The following ADAMTS16 variants were observed in gnomAD, a reference collection of about 807,000 sequenced individuals.
ADAMTS16 encodes the protein A disintegrin and metalloproteinase with thrombospondin motifs 16.
ADAMTS16 carries 94 observed loss-of-function variants against 145.8 expected under a neutral mutation model. The ratio of observed to expected loss-of-function variants is 0.64; its 90% confidence interval spans 0.55 to 0.77. ADAMTS16 has a LOEUF of 0.77. Ranked by LOEUF, ADAMTS16 falls within the 30% of genes least tolerant of loss-of-function variation. The probability of loss-of-function intolerance (pLI) is 0.00; values close to 1 mark genes in which losing one functional copy is unlikely to be tolerated. For synonymous variants in ADAMTS16, 659 were observed against 604.3 expected (o/e 1.09, Z -1.33); for missense variants, 1,585 against 1,591.5 (o/e 1.00, Z 0.07).
chr5:5,208,243 G>T (rs1736182889), intron 9 of ADAMTS16, among the ~76,000 whole-genome samples: 2 of 152,176 alleles, frequency 1.3e-5, no homozygotes, highest in Non-Finnish European at 2.9e-5. Context: ...TCCAGTCAAG[G>T]TGGACAACCA....
At position 5,140,376 on chromosome 5, in the gene ADAMTS16, C is replaced by T. The variant is rs1734117985; in HGVS notation, c.-92C>T. 7.7e-7 allele frequency: 1 copy of T among 1,290,958 alleles called. No individual in the cohort carries two copies. The highest frequency in any genetic ancestry group is 1.0e-6 in the Non-Finnish European group (1 of 980,778). 80.0% of individuals were successfully genotyped at this position (1,290,958 alleles called of 1,614,324 possible). A position where few individuals can be genotyped will look rare whatever the true frequency, so the allele number is the denominator to read the frequency against. The stretch of plus-strand genomic sequence containing the variant: ...GCGGAGTCGCTGTGGGGAATCCTCC[C>T]GCGCTCTGCCTGGGTCGGGTCCTCC... On this transcript the variant is annotated 5_prime_UTR_variant, in exon 1 of 23. Transcript: ENST00000274181.
intron 3 of ADAMTS16, among the ~76,000 whole-genome samples, chr5:5,168,771 AT>A (rs1365216812): frequency 7.0e-6 from 1 of 141,970 alleles, no homozygotes; most frequent in East Asian, 2.0e-4. Context: ...ATTTTATTAT[AT>A]TTTATTATAG....
At chr5:5,255,129 A>G (rs1386523916) in intron 17 of ADAMTS16, among the ~76,000 whole-genome samples, 1 of 152,100 alleles carries the variant, frequency 6.6e-6, no homozygotes, top group Non-Finnish European at 1.5e-5. Flanking sequence ...TTAATTTTAT[A>G]TATTTGAAAA....
In ADAMTS16 at chr5:5,279,331, G is replaced by A. The variant is rs536084586; in HGVS notation, c.2789+16548G>A. Among the ~76,000 whole-genome samples, 337 of 152,322 alleles carry A rather than the reference G, an allele frequency of 2.2e-3. 1 individual carries two copies. Among genetic ancestry groups the A allele is most frequent in the African/African-American group, 7.3e-3 (304 of 41,576 alleles). On this transcript the variant is annotated intron_variant, in intron 18 of 22. Transcript: ENST00000274181. ...AGTCACTTTCCCCAGGAGTTTTAGC[G>A]TAATGTCCTTGACTCCCATCCACTG...
intron 9 of ADAMTS16, among the ~76,000 whole-genome samples, chr5:5,200,672 AT>A (rs1735930339): frequency 6.6e-6 from 1 of 151,592 alleles, no homozygotes; most frequent in South Asian, 2.1e-4. Context: ...CTTTCTCTTT[AT>A]TTTTTCTTTC....
At chr5:5,243,196 A>G (rs762571184) in intron 17 of ADAMTS16, among the ~76,000 whole-genome samples, 4 of 152,240 alleles carry the variant, frequency 2.6e-5, no homozygotes, top group Non-Finnish European at 4.4e-5. Context: ...TATGTGCTTG[A>G]CATATGTTCA....
chr5:5,216,322 T>C (rs1286680700), intron 10 of ADAMTS16, among the ~76,000 whole-genome samples: 2 of 152,208 alleles, frequency 1.3e-5, no homozygotes, highest in East Asian at 3.8e-4. Flanking sequence ...CATATGTTTG[T>C]TGGCCATTTG....
chr5:5,312,519 C>T (rs1032487863), intron 21 of ADAMTS16, among the ~76,000 whole-genome samples: 3 of 150,332 alleles, frequency 2.0e-5, no homozygotes, highest in Non-Finnish European at 4.4e-5. Flanking sequence ...GCAATCTCAG[C>T]TCACTGCAAC....
chr5:5,165,074 C>G (rs116505738), intron 3 of ADAMTS16, among the ~76,000 whole-genome samples: 2,276 of 152,084 alleles, frequency 0.015, 65 homozygotes, highest in African/African-American at 0.052. Flanking sequence ...AGATTATTTC[C>G]AGCACCCAGA....
intron 21 of ADAMTS16, 80 bp downstream of exon 21, chr5:5,306,808 C>T (rs1740184098): frequency 7.4e-7 from 1 of 1,354,384 alleles, no homozygotes; most frequent in African/African-American, 1.5e-5. Flanking sequence ...GGGGATGCTT[C>T]TGCGAGGGTG....
At chr5:5,187,909 C>G (rs1177561877) in intron 6 of ADAMTS16, 101 bp downstream of exon 6, 4 of 711,448 alleles carry the variant, frequency 5.6e-6, no homozygotes, top group Non-Finnish European at 9.2e-6. Flanking sequence ...GTTCTTCTCT[C>G]TCGAGGGCAA....
chr5:5,188,436 T>C (rs1325014749), intron 6 of ADAMTS16, among the ~76,000 whole-genome samples: 1 of 152,182 alleles, frequency 6.6e-6, no homozygotes, highest in Non-Finnish European at 1.5e-5. Context: ...AGGTGGTCCC[T>C]TCACAGAAAG....
At chr5:5,217,105 A>AAG (rs1364853823) in intron 10 of ADAMTS16, among the ~76,000 whole-genome samples, 1 of 152,080 alleles carries the variant, frequency 6.6e-6, no homozygotes, top group East Asian at 1.9e-4. Context: ...TGGGGAAAGG[A>AAG]TTCCCTATTT....
At chr5:5,193,429 A>T (rs1735719379) in intron 8 of ADAMTS16, among the ~76,000 whole-genome samples, 1 of 152,218 alleles carries the variant, frequency 6.6e-6, no homozygotes, top group African/African-American at 2.4e-5. Context: ...TTAAAACTTC[A>T]AAAACTCTCA....
intron 3 of ADAMTS16, among the ~76,000 whole-genome samples, chr5:5,173,736 G>A (rs1202982689): frequency 6.6e-6 from 1 of 152,150 alleles, no homozygotes; most frequent in East Asian, 1.9e-4. Flanking sequence ...GCCTCCCAAA[G>A]TGCTGGGATT....
At chr5:5,209,404 A>C (rs1277058965) in intron 10 of ADAMTS16, among the ~76,000 whole-genome samples, 158 bp downstream of exon 10, 1 of 152,184 alleles carries the variant, frequency 6.6e-6, no homozygotes, top group Non-Finnish European at 1.5e-5. Context: ...CACATGTTTC[A>C]CTGGCAAAGA....
At chr5:5,234,351 C>T (rs1022323920) in intron 12 of ADAMTS16, among the ~76,000 whole-genome samples, 1 of 152,208 alleles carries the variant, frequency 6.6e-6, no homozygotes, top group Admixed American at 6.5e-5. Flanking sequence ...TCCACATTCT[C>T]TCAAATGTGC....
At chr5:5,250,755 G>A (rs1737600816) in intron 17 of ADAMTS16, among the ~76,000 whole-genome samples, 1 of 147,240 alleles carries the variant, frequency 6.8e-6, no homozygotes, top group Non-Finnish European at 1.5e-5. Flanking sequence ...TCCTGGAGAG[G>A]CACAGAGATG....
At chr5:5,168,498 G>A (rs952767408) in intron 3 of ADAMTS16, among the ~76,000 whole-genome samples, 1 of 141,104 alleles carries the variant, frequency 7.1e-6, no homozygotes, top group African/African-American at 2.6e-5. Context: ...AAAGCATTCA[G>A]GACTTTAAAT....
Sources: gnomAD v4.1 joint callset for allele counts (sites outside exome capture counted in the v4.1 genomes callset) on GRCh38, gnomAD v4.1.1 for gene constraint, MANE v1.5 for transcripts, NCBI Gene and HGNC (gene_info 2026-07-23, HGNC 2026-07-21) for gene names.